The following RAD51B variants were observed in gnomAD, a reference collection of about 807,000 sequenced individuals.
RAD51B encodes RAD51 paralog B.
A neutral mutation model predicts 42.2 loss-of-function variants in RAD51B; 38 were observed. The observed-to-expected ratio is 0.90, with a 90% CI of 0.70 to 1.18. RAD51B has a LOEUF of 1.18. RAD51B is among the 50% of genes most tolerant of loss of function. The probability of loss-of-function intolerance (pLI) is 0.00; values close to 1 mark genes in which losing one functional copy is unlikely to be tolerated. For missense variants in RAD51B, 373 were observed against 400.7 expected, an observed-to-expected ratio of 0.93 and a Z score of 0.59; for synonymous variants, 154 against 145.2, an observed-to-expected ratio of 1.06 and a Z score of -0.43.
intron 10 of RAD51B, among the ~76,000 whole-genome samples, chr14:68,639,006 G>A (rs905402929): frequency 2.0e-5 from 3 of 152,116 alleles, no homozygotes; most frequent in Admixed American, 6.5e-5. Context: ...TGGAGGTAAA[G>A]GGGAGGCACT....
intron 10 of RAD51B, among the ~76,000 whole-genome samples, chr14:68,498,597 G>C (rs935493049): frequency 1.3e-5 from 2 of 152,168 alleles, no homozygotes; most frequent in Admixed American, 6.5e-5. Flanking sequence ...CTGTGAGCCA[G>C]AAATAGGAGG....
chr14:67,857,336 A>G (rs1036087709), intron 4 of RAD51B, among the ~76,000 whole-genome samples: 2 of 152,320 alleles, frequency 1.3e-5, no homozygotes, highest in African/African-American at 2.4e-5. Context: ...AAACTCAACA[A>G]ACAAACCCAG....
intron 10 of RAD51B, among the ~76,000 whole-genome samples, chr14:68,531,753 C>T (rs902037660): frequency 6.6e-6 from 1 of 152,074 alleles, no homozygotes; most frequent in Non-Finnish European, 1.5e-5. Context: ...AATCCTAGCA[C>T]TTTGGGAGGC....
intron 7 of RAD51B, among the ~76,000 whole-genome samples, chr14:68,069,246 G>A (rs1364755731): frequency 6.6e-6 from 1 of 152,066 alleles, no homozygotes. Context: ...TATATTTAGA[G>A]GTGCTTTGGT....
At chr14:68,057,312 A>G (rs1291279399) in intron 7 of RAD51B, among the ~76,000 whole-genome samples, 2 of 152,162 alleles carry the variant, frequency 1.3e-5, no homozygotes, top group African/African-American at 4.8e-5. Context: ...TAGATTTTTT[A>G]CCATAATCAT....
chr14:68,301,427 G>T (rs1018349828), intron 8 of RAD51B, among the ~76,000 whole-genome samples: 1 of 152,092 alleles, frequency 6.6e-6, no homozygotes, highest in Non-Finnish European at 1.5e-5. Context: ...ACCAAGGGGT[G>T]GATCCAAGGC....
downstream of RAD51B, among the ~76,000 whole-genome samples, chr14:68,597,509 G>T (rs1421461366): frequency 2.0e-5 from 3 of 152,186 alleles, no homozygotes; most frequent in Non-Finnish European, 4.4e-5. Flanking sequence ...GTTGGAGCTG[G>T]AGGCCATTAT....
At chr14:68,644,981 C>T (rs1352232092) in intron 10 of RAD51B, among the ~76,000 whole-genome samples, 3 of 152,186 alleles carry the variant, frequency 2.0e-5, no homozygotes, top group Non-Finnish European at 4.4e-5. Context: ...CATTTTTTCA[C>T]TGTGTTAAAA....
At chr14:67,952,868 TAG>T (rs1566975802) in intron 7 of RAD51B, among the ~76,000 whole-genome samples, 15 of 151,706 alleles carry the variant, frequency 9.9e-5, no homozygotes, top group African/African-American at 3.1e-4. Context: ...AAAAGTTTTT[TAG>T]TTTAGTTTAG....
At chr14:68,479,342 G>A (rs772823467), downstream of RAD51B, among the ~76,000 whole-genome samples, 2 of 152,108 alleles carry the variant, frequency 1.3e-5, no homozygotes, top group Non-Finnish European at 2.9e-5. Flanking sequence ...AATCCGGCAC[G>A]TTGGCCTTGA....
chr14:68,120,126 A>C (rs2077621867), intron 7 of RAD51B, among the ~76,000 whole-genome samples: 2 of 152,124 alleles, frequency 1.3e-5, no homozygotes, highest in Admixed American at 6.5e-5. Context: ...TCTTTTGAGA[A>C]GTGTCTGTTC....
chr14:68,385,039 C>A (rs115849242), intron 8 of RAD51B, among the ~76,000 whole-genome samples: 1 of 152,016 alleles, frequency 6.6e-6, no homozygotes, highest in Non-Finnish European at 1.5e-5. Context: ...CAGAGATGGG[C>A]GAGTTAAGTT....
chr14:68,008,797 A>G (rs976087011), intron 7 of RAD51B, among the ~76,000 whole-genome samples: 22 of 152,016 alleles, frequency 1.4e-4, no homozygotes, highest in Admixed American at 4.6e-4. Context: ...AATAGTGTCA[A>G]TGAGTCCTGA....
chr14:68,354,929 T>A (rs1371664966), intron 8 of RAD51B, among the ~76,000 whole-genome samples: 1 of 152,150 alleles, frequency 6.6e-6, no homozygotes, highest in Non-Finnish European at 1.5e-5. Context: ...TTGGCCTCAT[T>A]GTGACTCGAT....
At chr14:68,477,286 T>C (rs1882716150) in intron 10 of RAD51B, among the ~76,000 whole-genome samples, 1 of 152,250 alleles carries the variant, frequency 6.6e-6, no homozygotes, top group South Asian at 2.1e-4. Flanking sequence ...CATGGTCCCC[T>C]GCCTTTGTGA....
At chr14:68,466,998 C>A (rs1309530789) in intron 9 of RAD51B, among the ~76,000 whole-genome samples, 3 of 152,176 alleles carry the variant, frequency 2.0e-5, no homozygotes, top group Non-Finnish European at 4.4e-5. Context: ...TATATATAAG[C>A]CTTTTGATCA....
intron 10 of RAD51B, among the ~76,000 whole-genome samples, chr14:68,632,529 C>T (rs1213628300): frequency 1.3e-5 from 2 of 152,166 alleles, no homozygotes; most frequent in Non-Finnish European, 2.9e-5. Flanking sequence ...AGGCCGGGAG[C>T]TCCGGATCGA....
intron 10 of RAD51B, among the ~76,000 whole-genome samples, chr14:68,504,654 T>C (rs1566917388): frequency 1.5e-5 from 2 of 135,030 alleles, no homozygotes; most frequent in African/African-American, 5.5e-5. Flanking sequence ...AATCCTTTTT[T>C]TTTCTTTCTT....
intron 10 of RAD51B, among the ~76,000 whole-genome samples, chr14:68,650,406 C>A (rs1257426265): frequency 6.6e-6 from 1 of 152,180 alleles, no homozygotes; most frequent in African/African-American, 2.4e-5. Flanking sequence ...TGTCTGTGGT[C>A]TTTTACCTGT....
Sources: gnomAD v4.1 joint callset for allele counts (sites outside exome capture counted in the v4.1 genomes callset) on GRCh38, gnomAD v4.1.1 for gene constraint, MANE v1.5 for transcripts, NCBI Gene and HGNC (gene_info 2026-07-23, HGNC 2026-07-21) for gene names.